GNL1: variants seen among roughly 807,000 people sequenced by gnomAD.
The protein encoded by GNL1 is guanine nucleotide-binding protein-like 1.
A neutral mutation model predicts 75.2 loss-of-function variants in GNL1; 21 were observed. The ratio of observed to expected loss-of-function variants is 0.28; its 90% confidence interval spans 0.20 to 0.40. The LOEUF is 0.40. Ranked by LOEUF, GNL1 falls within the 10% of genes least tolerant of loss-of-function variation. The probability of loss-of-function intolerance (pLI) is 1.00; values close to 1 mark genes in which losing one functional copy is unlikely to be tolerated. For synonymous variants in GNL1, 287 were observed against 303.4 expected (o/e 0.95, Z 0.56); for missense variants, 579 against 775.0 (o/e 0.75, Z 3.00).
rs1479958963 is a variant in GNL1, at chr6:30,546,983, G to C, written c.1441+129C>G. ...CTATGCAACAAAAATCTAGGGGTGA[G>C]TGGACAGCAGCTTCATCAATGGCAG... is the stretch of plus-strand genomic sequence containing the variant. On this transcript the variant is annotated intron_variant, in intron 10 of 11. Transcript: ENST00000376621. This position sits in a 1 kb window ranked among gnomAD's most constrained non-coding sequence, Gnocchi z 5.1. The C allele has an allele frequency of 2.7e-6, 3 of 1,108,626 alleles. No individual in the cohort carries two copies. In the East Asian group the frequency reaches 7.0e-5, roughly 26 times the overall value. The allele number at this position is 1,108,626 out of a possible 1,614,324, so 68.7% of individuals were successfully genotyped here.
rs997576750 is a variant in GNL1, at chr6:30,543,351, T to C, written c.*2721A>G. 6.6e-6 allele frequency: 1 copy of C among 151,958 alleles called. No homozygotes were observed. The highest frequency in any genetic ancestry group is 2.4e-5 in the African/African-American group (1 of 41,344). The allele number at this position is 151,958 out of a possible 1,614,324, so 9.4% of individuals were successfully genotyped here. On this transcript the variant is annotated 3_prime_UTR_variant, in exon 12 of 12. Coordinates refer to ENST00000376621, the MANE Select transcript of GNL1 (RefSeq NM_005275.5). ...CCCTTCTCCCAGAACTTATCACACT[T>C]TTTTTTTGTAATTGTGTTTCCATTC...
Position 30,555,207 on chromosome 6 carries a change from C to A in GNL1, c.240-16G>T. ...CAGTCGGTATCTAAGGGAACAGGGA[C>A]CGAGACATCCAGAGCAATCCTGTGG... On this transcript the variant is annotated splice_polypyrimidine_tract_variant and intron_variant, in intron 2 of 11. Transcript: ENST00000376621. This position sits in a 1 kb window ranked among gnomAD's most constrained non-coding sequence, Gnocchi z 4.3. 1.2e-6 allele frequency: 2 copies of A among 1,613,038 alleles called. No individual in the cohort carries two copies. The highest frequency in any genetic ancestry group is 1.7e-6 in the Non-Finnish European group (2 of 1,179,998).
intron 5 of GNL1, 144 bp from the exon 6 acceptor site, chr6:30,553,701 T>C (rs1799946688): frequency 3.2e-6 from 2 of 633,122 alleles, no homozygotes; most frequent in South Asian, 1.9e-5. Flanking sequence ...CCAGACAAAC[T>C]GAAAAACAAA....
Position 30,543,607 on chromosome 6 carries a change from A to G in GNL1, c.*2465T>C, listed in dbSNP as rs1039156885. On this transcript the variant is annotated 3_prime_UTR_variant, in exon 12 of 12. Transcript: ENST00000376621. ...TATTGTATTATATTATTATTATTCT[A>G]TTCCTACCCTCTATTGCTTGAGAGT... 6.6e-6 allele frequency: 1 copy of G among 152,174 alleles called. No homozygotes were observed. Among genetic ancestry groups the G allele is most frequent in the Non-Finnish European group, 1.5e-5 (1 of 68,034 alleles). The allele number at this position is 152,174 out of a possible 1,614,324, so 9.4% of individuals were successfully genotyped here. A position where few individuals can be genotyped will look rare whatever the true frequency, so the allele number is the denominator to read the frequency against.
At position 30,553,076 on chromosome 6, in the gene GNL1, C is replaced by T. The variant is rs1799896360; in HGVS notation, c.904+8G>A. ...TCCTCCTACAGCCCTCCTCTAAGGG[C>T]CACATACCTTTCCCCACAGTGATGG... On this transcript the variant is annotated splice_region_variant and intron_variant, in intron 7 of 11. Coordinates refer to ENST00000376621, the MANE Select transcript of GNL1 (RefSeq NM_005275.5). The T allele has an allele frequency of 6.3e-7, 1 of 1,595,898 alleles. No individual in the cohort carries two copies. The highest frequency in any genetic ancestry group is 1.3e-5 in the African/African-American group (1 of 74,684).
chr6:30,556,284 C>T lies in GNL1; in HGVS notation c.-81G>A. On this transcript the variant is annotated 5_prime_UTR_variant, in exon 1 of 12. Coordinates refer to ENST00000376621, the MANE Select transcript of GNL1 (RefSeq NM_005275.5). This position sits in a 1 kb window ranked among gnomAD's most constrained non-coding sequence, Gnocchi z 5.7. ...CTGCCCCCCGGGGCAGCCCCCGCCG[C>T]AGGGGCCCGGGACCCTAGAGGAGGC... is the stretch of plus-strand genomic sequence containing the variant. 6.4e-7 allele frequency: 1 copy of T among 1,553,228 alleles called. No homozygotes were observed. The highest frequency in any genetic ancestry group is 8.8e-7 in the Non-Finnish European group (1 of 1,142,762).
chr6:30,548,878 C>T lies in GNL1; in HGVS notation c.1100-1348G>A, dbSNP rs1472583061. ...TACCTACTTTTTTCACCATTTCTTC[C>T]TGCTATCTTCTTTGTAACTGTAAAC... On this transcript the variant is annotated intron_variant, in intron 8 of 11. Transcript: ENST00000376621. This position sits in a 1 kb window ranked among gnomAD's most constrained non-coding sequence, Gnocchi z 4.2. 1.3e-5 allele frequency among the ~76,000 whole-genome samples: 2 copies of T among 152,178 alleles called. No homozygotes were observed. Among genetic ancestry groups the T allele is most frequent in the Non-Finnish European group, 2.9e-5 (2 of 68,040 alleles).
chr6:30,544,152 G>A lies in GNL1; in HGVS notation c.*1920C>T, dbSNP rs958266266. On this transcript the variant is annotated 3_prime_UTR_variant, in exon 12 of 12. Transcript: ENST00000376621. ...TTATCCTATAGAGTCAGCAAGTCAT[G>A]GAAGAGGTTTTACAGTCTAACCCTG... The A allele has an allele frequency of 6.6e-6, 1 of 152,092 alleles. No individual in the cohort carries two copies. Among genetic ancestry groups the A allele is most frequent in the Admixed American group, 6.6e-5 (1 of 15,262 alleles). 9.4% of individuals were successfully genotyped at this position (152,092 alleles called of 1,614,324 possible). A position where few individuals can be genotyped will look rare whatever the true frequency, so the allele number is the denominator to read the frequency against.
chr6:30,553,425 G>A lies in GNL1; in HGVS notation c.733C>T (p.His245Tyr), dbSNP rs1248437142. The A allele has an allele frequency of 6.2e-7, 1 of 1,613,018 alleles. No homozygotes were observed. Among genetic ancestry groups the A allele is most frequent in the Admixed American group, 1.7e-5 (1 of 60,020 alleles). The change falls in exon 6 of 12, where the codon CAC becomes TAC. Residue 245 changes from histidine (H) to tyrosine (Y), a missense_variant. Transcript: ENST00000376621. Reference sequence around the variant, plus strand: ...AGGACGACGTGGAGCTGGGGATAGTGTTGATGGAAATAATGCTTCCAGGCA... The same window carrying A: ...AGGACGACGTGGAGCTGGGGATAGTATTGATGGAAATAATGCTTCCAGGCA... ...VVAWKHYFHQ[H>Y]YPQLHVVLFT...
At chr6:30,553,877 C>T (rs1285054806) in intron 5 of GNL1, among the ~76,000 whole-genome samples, 2 of 152,176 alleles carry the variant, frequency 1.3e-5, no homozygotes, top group Non-Finnish European at 2.9e-5. Context: ...AGAAATTAGT[C>T]TGCTTTTTTG....
rs764180788 is a variant in GNL1 at position 30,555,508 on chromosome 6, T to G, written c.239+47A>C. 6 of 1,569,460 alleles carry G rather than the reference T, an allele frequency of 3.8e-6. No individual in the cohort carries two copies. In the Middle Eastern group the frequency reaches 6.8e-4, roughly 177 times the overall value. ...CCCGCTTTCCCCCAAAGCTCTGACT[T>G]CCGGGTAGGCGGGAAAGCCGGGACC... On this transcript the variant is annotated intron_variant, in intron 2 of 11. Coordinates refer to ENST00000376621, the MANE Select transcript of GNL1 (RefSeq NM_005275.5). The surrounding 1 kb of genome is among the most constrained non-coding windows in gnomAD (Gnocchi z 4.3).
chr6:30,554,901 G>T lies in GNL1; in HGVS notation c.391C>A (p.Arg131=). 1 of 1,612,772 alleles carries T rather than the reference G, an allele frequency of 6.2e-7. No homozygotes were observed. Among genetic ancestry groups the T allele is most frequent in the Non-Finnish European group, 8.5e-7 (1 of 1,179,806 alleles). The change falls in exon 4 of 12, where the codon CGA becomes AGA. Residue 131 remains arginine (R), a synonymous_variant. Transcript: ENST00000376621. ...YQPGSVLDFP[R]RPPWSYEMSK... ...ATCTCATAGCTCCAAGGAGGACGTC[G>T]AGGAAAGTCCAGAACTGGGAATTCA...
Position 30,555,494 on chromosome 6 carries a change from C to T in GNL1, c.239+61G>A. ...TTCACCAGTAGCAGCCCGCTTTCCCCCAAAGCTCTGACTTCCGGGTAGGCG... is the reference window on the plus strand; with the variant it reads ...TTCACCAGTAGCAGCCCGCTTTCCCTCAAAGCTCTGACTTCCGGGTAGGCG... On this transcript the variant is annotated intron_variant, in intron 2 of 11. Coordinates refer to ENST00000376621, the MANE Select transcript of GNL1 (RefSeq NM_005275.5). The surrounding 1 kb of genome is among the most constrained non-coding windows in gnomAD (Gnocchi z 4.3). 1 of 1,518,784 alleles carries T rather than the reference C, an allele frequency of 6.6e-7. No homozygotes were observed. The highest frequency in any genetic ancestry group is 1.8e-5 in the Admixed American group (1 of 55,946). 94.1% of individuals were successfully genotyped at this position (1,518,784 alleles called of 1,614,324 possible). A position where few individuals can be genotyped will look rare whatever the true frequency, so the allele number is the denominator to read the frequency against.
In GNL1 at chr6:30,555,013, A is replaced by G; in HGVS notation, c.376+42T>C. The stretch of plus-strand genomic sequence containing the variant: ...CCTCACAGTCGGCTTTTACCTTTCC[A>G]AACTCCTTCCCCAGCCCAATGCCTG... On this transcript the variant is annotated intron_variant, in intron 3 of 11. Coordinates refer to ENST00000376621, the MANE Select transcript of GNL1 (RefSeq NM_005275.5). The surrounding 1 kb of genome is among the most constrained non-coding windows in gnomAD (Gnocchi z 4.3). 1 of 1,612,358 alleles carries G rather than the reference A, an allele frequency of 6.2e-7. No homozygotes were observed. The highest frequency in any genetic ancestry group is 8.5e-7 in the Non-Finnish European group (1 of 1,179,542).
Position 30,547,084 on chromosome 6 carries a change from G to A in GNL1, c.1441+28C>T. On this transcript the variant is annotated intron_variant, in intron 10 of 11. Coordinates refer to ENST00000376621, the MANE Select transcript of GNL1 (RefSeq NM_005275.5). This position sits in a 1 kb window ranked among gnomAD's most constrained non-coding sequence, Gnocchi z 5.5. ...TAAGGAAGAGCAGCTGAAACCAGGT[G>A]GGGCGAAGCCAGGCACATGGAACTC... is the stretch of plus-strand genomic sequence containing the variant. 1.3e-6 allele frequency: 2 copies of A among 1,597,012 alleles called. No individual in the cohort carries two copies. Among genetic ancestry groups the A allele is most frequent in the East Asian group, 2.2e-5 (1 of 44,818 alleles).
chr6:30,554,683 G>C, intron 4 of GNL1, 37 bp from the exon 5 acceptor site: 4 of 1,590,548 alleles, frequency 2.5e-6, no homozygotes, highest in Non-Finnish European at 3.4e-6. Context: ...ACTGAAAACA[G>C]AGTCCCTCTC....
In GNL1 at chr6:30,555,965, C is replaced by A. The variant is rs1800145427; in HGVS notation, c.73+166G>T. 1.1e-6 allele frequency: 1 copy of A among 911,744 alleles called. No homozygotes were observed. The highest frequency in any genetic ancestry group is 1.7e-6 in the Non-Finnish European group (1 of 594,130). 56.5% of individuals were successfully genotyped at this position (911,744 alleles called of 1,614,324 possible). ...CCCCAACTCTCCATCCTTCCCCACC[C>A]CTTCCAGATGTAGGGGGGGTGGGGG... On this transcript the variant is annotated intron_variant, in intron 1 of 11. Transcript: ENST00000376621. The surrounding 1 kb of genome is among the most constrained non-coding windows in gnomAD (Gnocchi z 4.3).
chr6:30,551,504 CTCT>C (rs781182374), intron 8 of GNL1, among the ~76,000 whole-genome samples: 10 of 152,182 alleles, frequency 6.6e-5, no homozygotes, highest in Non-Finnish European at 1.0e-4. Context: ...TGTCCAAGGT[CTCT>C]TCTTACCTCT....
chr6:30,553,110 G>T lies in GNL1; in HGVS notation c.878C>A (p.Ala293Asp), dbSNP rs747515982. The T allele has an allele frequency of 6.2e-7, 1 of 1,613,086 alleles. No homozygotes were observed. Among genetic ancestry groups the T allele is most frequent in the Admixed American group, 1.7e-5 (1 of 60,004 alleles). Residue 293 changes from alanine to aspartate, a missense_variant, in exon 7 of 12, where the codon GCC (alanine) becomes GAC (aspartate). Coordinates refer to ENST00000376621, the MANE Select transcript of GNL1 (RefSeq NM_005275.5). ...TTTCCCCACAGTGATGGCTTCACAGGCTCTCAGCAACTGCTCTGGCCCCAG... is the reference window on the plus strand; with the variant it reads ...TTTCCCCACAGTGATGGCTTCACAGTCTCTCAGCAACTGCTCTGGCCCCAG... ...RALGPEQLLR[A>D]CEAITVGKVD...
Sources: gnomAD v4.1 joint callset for allele counts (sites outside exome capture counted in the v4.1 genomes callset) on GRCh38, gnomAD v4.1.1 for gene constraint, Gnocchi (gnomAD v3.1) non-coding constraint, MANE v1.5 for transcripts, NCBI Gene and HGNC (gene_info 2026-07-23, HGNC 2026-07-21) for gene names.